ARHGEF12: variants seen among roughly 807,000 people sequenced by gnomAD.
ARHGEF12 encodes the protein KMT2A/ARHGEF12 fusion protein.
A neutral mutation model predicts 211.2 loss-of-function variants in ARHGEF12; 66 were observed. The ratio of observed to expected loss-of-function variants is 0.31; its 90% confidence interval spans 0.26 to 0.38. The LOEUF (loss-of-function observed/expected upper bound fraction) is 0.38, where lower values mean the gene tolerates loss of function less well. ARHGEF12 is among the 10% of genes least tolerant of loss of function. The probability of loss-of-function intolerance (pLI) is 1.00; values close to 1 mark genes in which losing one functional copy is unlikely to be tolerated. For synonymous variants in ARHGEF12, 592 were observed against 638.4 expected, an observed-to-expected ratio of 0.93 and a Z score of 1.09; for missense variants, 1,429 against 1,869.5, an observed-to-expected ratio of 0.76 and a Z score of 4.34.
intron 4 of ARHGEF12, among the ~76,000 whole-genome samples, chr11:120,412,568 G>A (rs1234752798): frequency 6.6e-6 from 1 of 152,054 alleles, no homozygotes; most frequent in South Asian, 2.1e-4. Context: ...CATCAACCTG[G>A]TTCTTTATTC....
Position 120,407,724 on chromosome 11 carries a change from T to G in ARHGEF12, c.57-14T>G. On this transcript the variant is annotated splice_polypyrimidine_tract_variant and intron_variant, in intron 2 of 40. Coordinates refer to ENST00000397843, the MANE Select transcript of ARHGEF12 (RefSeq NM_015313.3). ...TTCTTGCACTAAGCATTTGATTACT[T>G]TGCTTTAATTTAGGCATGGAAGTAT... The G allele has an allele frequency of 1.2e-6, 2 of 1,604,816 alleles. No individual in the cohort carries two copies. The highest frequency in any genetic ancestry group is 1.7e-6 in the Non-Finnish European group (2 of 1,173,280).
rs894488405 is a variant in ARHGEF12, at chr11:120,441,462, C to A, written c.1093-245C>A. 5.9e-5 allele frequency among the ~76,000 whole-genome samples: 9 copies of A among 152,254 alleles called. No homozygotes were observed. The South Asian group carries it at 1.5e-3, about 25-fold the overall frequency. Reference sequence around the variant, plus strand: ...GTATACATCCGAGCTACTTGATAATCGTCTCCTAAATTTCCGTTCTCCCAC... The same window carrying A: ...GTATACATCCGAGCTACTTGATAATAGTCTCCTAAATTTCCGTTCTCCCAC... On this transcript the variant is annotated intron_variant, in intron 13 of 40. Coordinates refer to ENST00000397843, the MANE Select transcript of ARHGEF12 (RefSeq NM_015313.3).
chr11:120,357,784 G>A (rs1232559964), intron 1 of ARHGEF12, among the ~76,000 whole-genome samples: 1 of 152,104 alleles, frequency 6.6e-6, no homozygotes, highest in Admixed American at 6.5e-5. Flanking sequence ...TGGCCAGGCT[G>A]TCCTTGAACT....
chr11:120,373,561 A>G (rs745766810), intron 1 of ARHGEF12, among the ~76,000 whole-genome samples: 2 of 152,170 alleles, frequency 1.3e-5, no homozygotes, highest in Non-Finnish European at 2.9e-5. Flanking sequence ...TAGGAAATGT[A>G]TTTCTAACTT....
chr11:120,392,314 A>C (rs1565448201), intron 1 of ARHGEF12, among the ~76,000 whole-genome samples: 1 of 152,228 alleles, frequency 6.6e-6, no homozygotes, highest in Non-Finnish European at 1.5e-5. Flanking sequence ...GAATAAACTA[A>C]ATTAATGTAT....
intron 18 of ARHGEF12, 42 bp downstream of exon 18, chr11:120,447,127 G>C (rs1297899332): frequency 1.2e-6 from 2 of 1,600,466 alleles, no homozygotes; most frequent in Non-Finnish European, 1.7e-6. Context: ...TCTCTGCTGA[G>C]ATACTAGTTA....
At chr11:120,470,948 A>C (rs1418398644) in intron 30 of ARHGEF12, among the ~76,000 whole-genome samples, 1 of 152,198 alleles carries the variant, frequency 6.6e-6, no homozygotes, top group African/African-American at 2.4e-5. Context: ...AGCCTAACTG[A>C]CATTTTACTA....
chr11:120,487,511 C>T lies in ARHGEF12; in HGVS notation c.*2434C>T, dbSNP rs1439590159. 4.7e-6 allele frequency: 1 copy of T among 212,334 alleles called. No individual in the cohort carries two copies. Among genetic ancestry groups the T allele is most frequent in the African/African-American group, 2.4e-5 (1 of 42,304 alleles). 13.2% of individuals were successfully genotyped at this position (212,334 alleles called of 1,614,324 possible). ...TCATTTTGGCCATTATAGTCACATC[C>T]GTTTGACTTTGGTTGTGACATCTTC... On this transcript the variant is annotated 3_prime_UTR_variant, in exon 41 of 41. Coordinates refer to ENST00000397843, the MANE Select transcript of ARHGEF12 (RefSeq NM_015313.3).
At chr11:120,386,173 G>T (rs1944023980) in intron 1 of ARHGEF12, among the ~76,000 whole-genome samples, 1 of 152,124 alleles carries the variant, frequency 6.6e-6, no homozygotes, top group African/African-American at 2.4e-5. Flanking sequence ...CTGCCGAGTT[G>T]CTGTGATGGC....
intron 1 of ARHGEF12, among the ~76,000 whole-genome samples, chr11:120,377,109 G>T (rs1296537555): frequency 6.6e-6 from 1 of 152,162 alleles, no homozygotes; most frequent in Non-Finnish European, 1.5e-5. Context: ...AGATAGGAGT[G>T]CAGGCCTCTT....
At chr11:120,417,112 T>C (rs1945053068) in intron 4 of ARHGEF12, among the ~76,000 whole-genome samples, 1 of 152,154 alleles carries the variant, frequency 6.6e-6, no homozygotes, top group Non-Finnish European at 1.5e-5. Flanking sequence ...AACTACTTTA[T>C]ATATTTTTTT....
chr11:120,372,601 G>A (rs1347560986), intron 1 of ARHGEF12, among the ~76,000 whole-genome samples: 1 of 152,100 alleles, frequency 6.6e-6, no homozygotes, highest in Non-Finnish European at 1.5e-5. Context: ...TGTATTTATG[G>A]AAGACTGAAG....
At chr11:120,346,138 T>C (rs151202920) in intron 1 of ARHGEF12, among the ~76,000 whole-genome samples, 57 of 152,350 alleles carry the variant, frequency 3.7e-4, no homozygotes, top group African/African-American at 1.2e-3. Flanking sequence ...TTCTGAAACA[T>C]TTAAAAATAT....
rs535171599 is a variant in ARHGEF12 at position 120,481,420 on chromosome 11, A to G, written c.4398A>G (p.Ala1466=). 2.5e-6 allele frequency: 4 copies of G among 1,614,142 alleles called. No individual in the cohort carries two copies. The African/African-American group carries it at 5.3e-5, about 22-fold the overall frequency. The change falls in exon 39 of 41, where the codon GCA becomes GCG. Residue 1466 remains alanine (A), a synonymous_variant. Coordinates refer to ENST00000397843, the MANE Select transcript of ARHGEF12 (RefSeq NM_015313.3). The part of the protein sequence containing the change: ...HSPQNTHSDG[A]ISPFTPEFLV... ...CTCAGAATACTCACTCCGATGGGGC[A>G]ATTTCACCATTCACCCCCGAATTTC...
At chr11:120,394,232 T>A (rs1944306608) in intron 1 of ARHGEF12, among the ~76,000 whole-genome samples, 1 of 152,064 alleles carries the variant, frequency 6.6e-6, no homozygotes. Context: ...CTTCTTTTTT[T>A]TTTTTAAGAC....
intron 37 of ARHGEF12, 51 bp from the exon 38 acceptor site, chr11:120,479,909 G>A (rs779058070): frequency 5.4e-6 from 8 of 1,486,418 alleles, no homozygotes; most frequent in Non-Finnish European, 7.4e-6. Flanking sequence ...TGCAGCCTGA[G>A]GTTATAGTTG....
chr11:120,485,002 A>G (rs1313643254), intron 40 of ARHGEF12, 65 bp from the exon 41 acceptor site: 18 of 1,519,358 alleles, frequency 1.2e-5, no homozygotes, highest in Middle Eastern at 1.7e-4. Context: ...TGTCATGGGT[A>G]TTCTTTGCAA....
At position 120,485,409 on chromosome 11, in the gene ARHGEF12, C is replaced by G. The variant is rs117457443; in HGVS notation, c.*332C>G. 205 of 278,084 alleles carry G rather than the reference C, an allele frequency of 7.4e-4. No homozygotes were observed. Among genetic ancestry groups the G allele is most frequent in the Non-Finnish European group, 1.2e-3 (175 of 147,048 alleles). 17.2% of individuals were successfully genotyped at this position (278,084 alleles called of 1,614,324 possible). ...CTTAGATTTAAGAAAAAGAGAAAAT[C>G]AGATGTATTTATTTGACTTCATTCC... On this transcript the variant is annotated 3_prime_UTR_variant, in exon 41 of 41. Coordinates refer to ENST00000397843, the MANE Select transcript of ARHGEF12 (RefSeq NM_015313.3).
At chr11:120,460,846 A>G in intron 27 of ARHGEF12, 89 bp downstream of exon 27, 2 of 1,124,140 alleles carry the variant, frequency 1.8e-6, no homozygotes, top group Admixed American at 1.8e-5. Flanking sequence ...CAAATATGCA[A>G]ACTCATCCAT....
Sources: gnomAD v4.1 joint callset for allele counts (sites outside exome capture counted in the v4.1 genomes callset) on GRCh38, gnomAD v4.1.1 for gene constraint, MANE v1.5 for transcripts, NCBI Gene and HGNC (gene_info 2026-07-23, HGNC 2026-07-21) for gene names.